GRIK2: variants seen among roughly 807,000 people sequenced by gnomAD.
GRIK2 encodes the protein glutamate ionotropic receptor kainate type subunit 2, also known as glutamate receptor ionotropic, kainate 2.
GRIK2 carries 32 observed loss-of-function variants against 100.3 expected under a neutral mutation model. That is an observed-to-expected ratio of 0.32 (90% CI 0.24 to 0.43). GRIK2 has a LOEUF of 0.43. Ranked by LOEUF, GRIK2 falls within the 20% of genes least tolerant of loss-of-function variation. The pLI is 1.00. For synonymous variants in GRIK2, 417 were observed against 389.4 expected (o/e 1.07, Z -0.83); for missense variants, 843 against 1,114.9 (o/e 0.76, Z 3.47).
rs144628084 is a variant in GRIK2, at chr6:101,468,893, C to T, written c.115+69501C>T. 4.3e-3 allele frequency among the ~76,000 whole-genome samples: 656 copies of T among 152,188 alleles called. 3 individuals are homozygous for T. Among genetic ancestry groups the T allele is most frequent in the Admixed American group, 0.01 (154 of 15,258 alleles). ...CTTCTACCTGCCCTCTCCCACTTGTCGTACCAACACATATCACTTATATTC... is the reference window on the plus strand; with the variant it reads ...CTTCTACCTGCCCTCTCCCACTTGTTGTACCAACACATATCACTTATATTC... On this transcript the variant is annotated intron_variant, in intron 2 of 16. Coordinates refer to ENST00000369134, the MANE Select transcript of GRIK2 (RefSeq NM_021956.5).
intron 7 of GRIK2, among the ~76,000 whole-genome samples, chr6:101,698,083 T>C (rs530143446): frequency 2.4e-4 from 37 of 152,122 alleles, no homozygotes; most frequent in African/African-American, 8.4e-4. Context: ...AATTTAAGAG[T>C]AGGTAGTTGC....
At chr6:101,415,662 G>T (rs1206907482) in intron 2 of GRIK2, among the ~76,000 whole-genome samples, 4 of 151,698 alleles carry the variant, frequency 2.6e-5, no homozygotes. Context: ...GAGCCACCGC[G>T]CCCGGCCGTA....
chr6:102,046,460 G>A (rs924088863), intron 15 of GRIK2, among the ~76,000 whole-genome samples: 23 of 151,948 alleles, frequency 1.5e-4, no homozygotes, highest in African/African-American at 5.3e-4. Context: ...GAGTGCTCAC[G>A]AGATCTGATG....
At chr6:101,425,901 A>C (rs531109699) in intron 2 of GRIK2, among the ~76,000 whole-genome samples, 71 of 152,332 alleles carry the variant, frequency 4.7e-4, no homozygotes, top group African/African-American at 1.7e-3. Context: ...ACTGATTGGC[A>C]AGTCTCACTA....
At chr6:101,638,412 T>C (rs530459857) in intron 4 of GRIK2, among the ~76,000 whole-genome samples, 1 of 151,972 alleles carries the variant, frequency 6.6e-6, no homozygotes, top group African/African-American at 2.4e-5. Flanking sequence ...GAGAGATGTG[T>C]AGGGAGTACA....
In GRIK2 at chr6:101,705,878, A is replaced by G. The variant is rs1269270042; in HGVS notation, c.951+19525A>G. The stretch of plus-strand genomic sequence containing the variant: ...TTAGCTGTTTAAAATAAATTCTTTA[A>G]GAAGTGCAACAATAAAAAAACAAAT... On this transcript the variant is annotated intron_variant, in intron 7 of 16. Coordinates refer to ENST00000369134, the MANE Select transcript of GRIK2 (RefSeq NM_021956.5). Among the ~76,000 whole-genome samples the G allele has an allele frequency of 5.3e-5, 8 of 151,942 alleles. 1 individual carries two copies. Among genetic ancestry groups the G allele is most frequent in the Admixed American group, 4.6e-4 (7 of 15,200 alleles).
chr6:101,799,913 A>C, intron 8 of GRIK2, 122 bp downstream of exon 8: 1 of 739,390 alleles, frequency 1.4e-6, no homozygotes. Flanking sequence ...TTTCTCTCTT[A>C]CTCCAAATAA....
At chr6:101,405,670 A>C (rs943569494) in intron 2 of GRIK2, among the ~76,000 whole-genome samples, 2 of 152,028 alleles carry the variant, frequency 1.3e-5, no homozygotes, top group African/African-American at 4.8e-5. Flanking sequence ...ATTAAACTTC[A>C]ATGTAGTAAG....
chr6:101,985,390 A>G (rs1582668391), intron 14 of GRIK2, among the ~76,000 whole-genome samples: 1 of 151,738 alleles, frequency 6.6e-6, no homozygotes, highest in Admixed American at 6.6e-5. Context: ...ACCTCCTTTT[A>G]TCAATGTAGA....
intron 7 of GRIK2, among the ~76,000 whole-genome samples, chr6:101,786,294 T>A (rs1317330137): frequency 6.6e-6 from 1 of 152,044 alleles, no homozygotes; most frequent in Non-Finnish European, 1.5e-5. Context: ...TGTCCTTTCT[T>A]TCTGTTGTCT....
chr6:101,801,162 C>G (rs1017493834), intron 8 of GRIK2, among the ~76,000 whole-genome samples: 1 of 152,016 alleles, frequency 6.6e-6, no homozygotes. Context: ...TTTCTTTATG[C>G]TCTCTCTACC....
chr6:101,601,213 T>C (rs961049668), intron 2 of GRIK2, among the ~76,000 whole-genome samples: 3 of 151,776 alleles, frequency 2.0e-5, no homozygotes, highest in African/African-American at 7.3e-5. Flanking sequence ...TGGTTTTAAA[T>C]CTTTTTATAT....
intron 2 of GRIK2, among the ~76,000 whole-genome samples, chr6:101,459,753 T>C (rs1771198959): frequency 6.6e-6 from 1 of 151,904 alleles, no homozygotes; most frequent in African/African-American, 2.4e-5. Context: ...TACTCTGCTC[T>C]GGACCATAGA....
At chr6:102,062,903 GTTATTA>G (rs890965237) in intron 16 of GRIK2, among the ~76,000 whole-genome samples, 6 of 150,274 alleles carry the variant, frequency 4.0e-5, no homozygotes, top group African/African-American at 1.2e-4. Flanking sequence ...TTCCATTTTA[GTTATTA>G]TTATTATCTA....
intron 12 of GRIK2, chr6:101,890,422 G>A (rs1786972961): frequency 1.3e-5 from 2 of 152,142 alleles, no homozygotes; most frequent in Non-Finnish European, 2.9e-5. Context: ...TATGTTTCAA[G>A]TCATAGGATC....
chr6:101,577,238 T>C (rs1194040930), intron 2 of GRIK2, among the ~76,000 whole-genome samples: 2 of 152,082 alleles, frequency 1.3e-5, no homozygotes, highest in African/African-American at 2.4e-5. Flanking sequence ...AACTAATTAC[T>C]TGACCCTTTT....
At chr6:101,544,796 T>C (rs1408464549) in intron 2 of GRIK2, among the ~76,000 whole-genome samples, 1 of 152,194 alleles carries the variant, frequency 6.6e-6, no homozygotes, top group Admixed American at 6.5e-5. Context: ...AGTTAATTAA[T>C]TTGTTCAAGG....
At chr6:101,879,734 T>C (rs1373859626) in intron 11 of GRIK2, among the ~76,000 whole-genome samples, 3 of 151,728 alleles carry the variant, frequency 2.0e-5, no homozygotes, top group Non-Finnish European at 4.4e-5. Flanking sequence ...AGAAGCTGTA[T>C]TAGCATGAAA....
At chr6:101,629,174 G>T (rs547574177) in intron 4 of GRIK2, among the ~76,000 whole-genome samples, 1 of 152,126 alleles carries the variant, frequency 6.6e-6, no homozygotes, top group South Asian at 2.1e-4. Flanking sequence ...TTACTATTTA[G>T]TTACTCGTTA....
Sources: allele counts gnomAD v4.1 joint callset (sites outside exome capture counted in the v4.1 genomes callset), GRCh38; gene constraint gnomAD v4.1.1; transcripts MANE v1.5; gene names NCBI Gene and HGNC (gene_info 2026-07-23, HGNC 2026-07-21).